The following CSMD3 variants were observed in gnomAD, a reference collection of about 807,000 sequenced individuals.
CSMD3 encodes the protein CUB and sushi domain-containing protein 3.
A neutral mutation model predicts 435.2 loss-of-function variants in CSMD3; 177 were observed. The ratio of observed to expected loss-of-function variants is 0.41; its 90% CI spans 0.36 to 0.46. CSMD3 has a LOEUF of 0.46. CSMD3 is among the 20% of genes least tolerant of loss of function. CSMD3 has a pLI of 0.34. For missense variants in CSMD3, 4,265 were observed against 4,504.6 expected, an observed-to-expected ratio of 0.95 and a Z score of 1.52; for synonymous variants, 1,656 against 1,520.5, an observed-to-expected ratio of 1.09 and a Z score of -2.07.
At chr8:113,260,468 T>C (rs986036587) in intron 3 of CSMD3, among the ~76,000 whole-genome samples, 7 of 152,236 alleles carry the variant, frequency 4.6e-5, no homozygotes, top group African/African-American at 1.7e-4. Context: ...TTGTGGAAAT[T>C]GAGGCTCTGG....
intron 2 of CSMD3, among the ~76,000 whole-genome samples, chr8:113,286,968 G>C (rs568785871): frequency 6.8e-6 from 1 of 147,934 alleles, no homozygotes; most frequent in Non-Finnish European, 1.5e-5. Flanking sequence ...GAAGAGGAGA[G>C]AGAGAGAGAG....
chr8:112,675,441 G>T (rs2075750798), intron 16 of CSMD3, among the ~76,000 whole-genome samples: 1 of 152,012 alleles, frequency 6.6e-6, no homozygotes, highest in Non-Finnish European at 1.5e-5. Flanking sequence ...AATCCAGAAG[G>T]CCAATATTCA....
chr8:112,305,681 C>A (rs1275447218), intron 51 of CSMD3, among the ~76,000 whole-genome samples: 1 of 151,990 alleles, frequency 6.6e-6, no homozygotes, highest in African/African-American at 2.4e-5. Context: ...TTTATTAACA[C>A]AGTCTTTAAA....
chr8:113,098,828 A>G lies in CSMD3; in HGVS notation c.845T>C (p.Ile282Thr). The G allele has an allele frequency of 6.2e-7, 1 of 1,612,896 alleles. No individual in the cohort carries two copies. Among genetic ancestry groups the G allele is most frequent in the Non-Finnish European group, 8.5e-7 (1 of 1,179,174 alleles). The change falls in exon 5 of 71, where the codon ATA becomes ACA. Residue 282 changes from isoleucine to threonine, a missense_variant. Ile to Thr is a moderately conservative substitution (Grantham distance 89). Coordinates refer to ENST00000297405, the MANE Select transcript of CSMD3 (RefSeq NM_198123.2). ...VAEPGDTISLIFTDFQMEEKY... is the reference protein window; with the variant it reads ...VAEPGDTISLTFTDFQMEEKY... Reference sequence around the variant, plus strand: ...CTCTTCCATTTGAAAATCAGTAAATATGAGTGAAATTGTGTCCCCAGGCTC... The same window carrying G: ...CTCTTCCATTTGAAAATCAGTAAATGTGAGTGAAATTGTGTCCCCAGGCTC...
intron 12 of CSMD3, among the ~76,000 whole-genome samples, chr8:112,821,723 C>T (rs939425145): frequency 2.0e-5 from 3 of 152,050 alleles, no homozygotes; most frequent in South Asian, 2.1e-4. Flanking sequence ...AAGTCTTTGC[C>T]CACGCCTGTG....
chr8:112,421,705 T>A (rs990528452), intron 32 of CSMD3, among the ~76,000 whole-genome samples: 11 of 148,336 alleles, frequency 7.4e-5, no homozygotes, highest in Non-Finnish European at 7.4e-5. Flanking sequence ...ATATATATAT[T>A]GCCAGACCAA....
chr8:113,389,813 T>C (rs2094454123), intron 1 of CSMD3, among the ~76,000 whole-genome samples: 4 of 151,782 alleles, frequency 2.6e-5, no homozygotes, highest in African/African-American at 9.7e-5. Context: ...ATTGAGATGG[T>C]CCTGGGACAA....
At chr8:113,399,106 T>TATATATATACACACACACAC (rs773585004) in intron 1 of CSMD3, among the ~76,000 whole-genome samples, 1 of 95,064 alleles carries the variant, frequency 1.1e-5, no homozygotes, top group African/African-American at 4.5e-5. Flanking sequence ...TATATATATA[T>TATATATATACACACACACAC]ACACACACAC....
At chr8:112,635,335 G>A (rs959946029) in intron 22 of CSMD3, among the ~76,000 whole-genome samples, 6 of 152,014 alleles carry the variant, frequency 3.9e-5, no homozygotes, top group African/African-American at 1.4e-4. Flanking sequence ...GTTGAGAAAA[G>A]TGAATTGGCC....
At chr8:112,370,761 T>C (rs1828313276) in intron 38 of CSMD3, among the ~76,000 whole-genome samples, 1 of 152,200 alleles carries the variant, frequency 6.6e-6, no homozygotes, top group South Asian at 2.1e-4. Flanking sequence ...TTTTCTAAAA[T>C]GTTATATAGA....
chr8:112,747,183 CTTTTTTTTTTTTTTTTT>C (rs71309787), intron 13 of CSMD3, among the ~76,000 whole-genome samples: 508 of 26,966 alleles, frequency 0.019, 18 homozygotes, highest in East Asian at 0.18. Context: ...GCACACTTCC[CTTTTTTTTTTTTTTTTT>C]TTTTTTTTTT....
chr8:113,084,949 TA>T (rs1321628121), intron 5 of CSMD3, among the ~76,000 whole-genome samples: 1 of 151,710 alleles, frequency 6.6e-6, no homozygotes. Flanking sequence ...TCTCTCTATT[TA>T]AAAAAAAGAT....
At chr8:112,919,831 A>T (rs574010364) in intron 10 of CSMD3, among the ~76,000 whole-genome samples, 45 of 151,996 alleles carry the variant, frequency 3.0e-4, no homozygotes, top group African/African-American at 1.1e-3. Context: ...TATTCACTTT[A>T]TAAGAAAATA....
At chr8:112,372,477 A>G (rs1828495004) in intron 38 of CSMD3, among the ~76,000 whole-genome samples, 1 of 152,180 alleles carries the variant, frequency 6.6e-6, no homozygotes, top group Non-Finnish European at 1.5e-5. Flanking sequence ...TGATAATAGT[A>G]TTATGAAAGA....
chr8:112,723,270 A>G (rs2076898905), intron 13 of CSMD3, among the ~76,000 whole-genome samples: 1 of 152,130 alleles, frequency 6.6e-6, no homozygotes, highest in Non-Finnish European at 1.5e-5. Context: ...CTTGCCAATA[A>G]TGACAGAACA....
intron 10 of CSMD3, among the ~76,000 whole-genome samples, chr8:112,919,134 A>G (rs1484916640): frequency 1.3e-5 from 2 of 151,968 alleles, no homozygotes. Flanking sequence ...TCTGCAAAAT[A>G]AAATGTAAAT....
Position 112,690,090 on chromosome 8 carries a change from C to T in CSMD3, c.1973-40G>A, listed in dbSNP as rs180743888. The T allele has an allele frequency of 1.3e-4, 186 of 1,487,464 alleles. No individual in the cohort carries two copies. The African/African-American group carries it at 2.3e-3, about 19-fold the overall frequency. 92.1% of individuals were successfully genotyped at this position (1,487,464 alleles called of 1,614,324 possible). ...GATAAAAGTCACCTTCCAAGGGTTG[C>T]AGGCATATGATACCCATAATACAAG... On this transcript the variant is annotated intron_variant, in intron 13 of 70. Transcript: ENST00000297405.
At chr8:112,995,701 T>C (rs747793972) in intron 6 of CSMD3, among the ~76,000 whole-genome samples, 1 of 151,246 alleles carries the variant, frequency 6.6e-6, no homozygotes, top group Non-Finnish European at 1.5e-5. Context: ...AAAAAGGGAG[T>C]CCTTGTCTCT....
At chr8:113,361,649 A>C (rs2132990449) in intron 1 of CSMD3, among the ~76,000 whole-genome samples, 1 of 152,200 alleles carries the variant, frequency 6.6e-6, no homozygotes, top group South Asian at 2.1e-4. Flanking sequence ...ACATGGATTT[A>C]AAAAATAATT....
Sources: gnomAD v4.1 joint callset for allele counts (sites outside exome capture counted in the v4.1 genomes callset) on GRCh38, gnomAD v4.1.1 for gene constraint, MANE v1.5 for transcripts, NCBI Gene and HGNC (gene_info 2026-07-23, HGNC 2026-07-21) for gene names.